PROM1: variants seen among roughly 807,000 people sequenced by gnomAD.
PROM1 encodes prominin 1.
PROM1 carries 105 observed loss-of-function variants against 116.9 expected under a neutral mutation model. That is an observed-to-expected ratio of 0.90 (90% CI 0.77 to 1.06). PROM1 has a LOEUF of 1.06. Ranked by LOEUF, PROM1 falls within the 50% of genes least tolerant of loss-of-function variation. The pLI is 0.00. For missense variants in PROM1, 1,122 were observed against 1,045.2 expected, an observed-to-expected ratio of 1.07 and a Z score of -1.01; for synonymous variants, 393 against 387.0, an observed-to-expected ratio of 1.02 and a Z score of -0.18.
intron 12 of PROM1, among the ~76,000 whole-genome samples, chr4:16,008,587 T>C (rs1311688469): frequency 6.6e-6 from 1 of 152,260 alleles, no homozygotes; most frequent in African/African-American, 2.4e-5. Context: ...GTTTGATAAT[T>C]ATAACTAGTA....
chr4:16,066,546 G>A (rs532260281), intron 2 of PROM1, among the ~76,000 whole-genome samples: 2 of 152,260 alleles, frequency 1.3e-5, no homozygotes, highest in East Asian at 1.9e-4. Flanking sequence ...CTGAGTTTGG[G>A]GCTCCTTTCT....
Position 15,985,773 on chromosome 4 carries a change from C to T in PROM1, c.2267G>A (p.Trp756Ter). ...IIGYFEHYLQ[W>*]IEFSISEKVA... ...TAAACTACTTACAGAGAACTCGATC[C>T]ACTGCAGATAATGTTCAAAATATCC... Residue 756 changes from tryptophan (W) to a stop codon, truncating the protein, a stop_gained, in exon 22 of 28, where the codon TGG becomes TAG. Transcript: ENST00000447510. LOFTEE classifies it high-confidence loss of function. 5 of 1,560,794 alleles carry T rather than the reference C, an allele frequency of 3.2e-6. No individual in the cohort carries two copies. Among genetic ancestry groups the T allele is most frequent in the Admixed American group, 1.7e-5 (1 of 57,606 alleles).
chr4:16,009,238 T>C (rs1174232043), intron 11 of PROM1, 130 bp from the exon 12 acceptor site: 1 of 735,622 alleles, frequency 1.4e-6, no homozygotes, highest in African/African-American at 1.8e-5. Context: ...TAAAATATGG[T>C]AAGATTCTTC....
chr4:16,083,005 C>T (rs1745327827), intron 1 of PROM1, among the ~76,000 whole-genome samples: 1 of 151,828 alleles, frequency 6.6e-6, no homozygotes. Flanking sequence ...GGCCGTGGAG[C>T]GAGAGGCTGG....
intron 10 of PROM1, among the ~76,000 whole-genome samples, chr4:16,015,253 T>C (rs945387759): frequency 7.4e-6 from 1 of 134,652 alleles, no homozygotes; most frequent in Non-Finnish European, 1.5e-5. Context: ...GGCTGAGGCA[T>C]GAGAATCGCT....
intron 9 of PROM1, among the ~76,000 whole-genome samples, chr4:16,017,766 C>A (rs1371546779): frequency 6.6e-6 from 1 of 152,094 alleles, no homozygotes; most frequent in Non-Finnish European, 1.5e-5. Flanking sequence ...AGGTTGCAGT[C>A]AGCTGAGATC....
At position 15,984,271 on chromosome 4, in the gene PROM1, C is replaced by G. The variant is rs532125484; in HGVS notation, c.2365G>C (p.Asp789His). The part of the protein sequence containing the change: ...VDVFLCSYII[D>H]PLNLFWFGIG... ...GAAAGATGAAATCTTACCAAGGGGT[C>G]GATAATGTAGCTACACAGAAAGACA... The change falls in exon 23 of 28, where the codon GAC (aspartate) becomes CAC (histidine). Residue 789 changes from aspartate to histidine, a missense_variant. Coordinates refer to ENST00000447510, the MANE Select transcript of PROM1 (RefSeq NM_006017.3). 1 of 1,597,370 alleles carries G rather than the reference C, an allele frequency of 6.3e-7. No individual in the cohort carries two copies. The highest frequency in any genetic ancestry group is 1.7e-5 in the Admixed American group (1 of 59,152).
At chr4:15,993,551 TAAGG>T (rs138907698) in intron 16 of PROM1, among the ~76,000 whole-genome samples, 2,808 of 152,318 alleles carry the variant, frequency 0.018, 83 homozygotes, top group African/African-American at 0.064. Flanking sequence ...TTGCGACTCA[TAAGG>T]AAGGAGAACG....
intron 1 of PROM1, chr4:16,083,348 C>A (rs898773754): frequency 6.6e-6 from 1 of 151,844 alleles, no homozygotes; most frequent in African/African-American, 2.4e-5. Context: ...CCCACCCCCG[C>A]CCCCATCCCC....
chr4:16,036,681 C>T (rs551415234), intron 3 of PROM1, among the ~76,000 whole-genome samples: 19 of 152,320 alleles, frequency 1.2e-4, no homozygotes, highest in African/African-American at 4.6e-4. Context: ...AATCTGTGTT[C>T]CCTGAGCCTC....
At chr4:15,989,996 T>C (rs1720583815) in intron 18 of PROM1, among the ~76,000 whole-genome samples, 172 bp from the exon 19 acceptor site, 1 of 152,042 alleles carries the variant, frequency 6.6e-6, no homozygotes, top group South Asian at 2.1e-4. Context: ...ACACCCTCCT[T>C]CAAAGCACAG....
intron 2 of PROM1, among the ~76,000 whole-genome samples, chr4:16,067,936 G>A (rs1741905440): frequency 6.6e-6 from 1 of 152,116 alleles, no homozygotes; most frequent in Non-Finnish European, 1.5e-5. Flanking sequence ...ATTGAGAATT[G>A]GGATAGAAAA....
intron 1 of PROM1, chr4:16,082,315 C>T (rs1745191629): frequency 6.6e-6 from 1 of 151,736 alleles, no homozygotes. Flanking sequence ...TGATTCAACC[C>T]AACATATCGC....
At chr4:15,993,595 C>T (rs1279844224) in intron 16 of PROM1, among the ~76,000 whole-genome samples, 2 of 152,210 alleles carry the variant, frequency 1.3e-5, no homozygotes, top group South Asian at 2.1e-4. Flanking sequence ...ACACTGAGTG[C>T]CCAATTTCAG....
chr4:15,971,717 TCACAA>T (rs1714600899), intron 26 of PROM1: 1 of 152,344 alleles, frequency 6.6e-6, no homozygotes, highest in Admixed American at 6.5e-5. Context: ...TTCAGGTGGA[TCACAA>T]CCCCTCTGAA....
intron 13 of PROM1, among the ~76,000 whole-genome samples, chr4:16,000,897 G>A (rs1380008470): frequency 6.6e-6 from 1 of 150,884 alleles, no homozygotes; most frequent in Non-Finnish European, 1.5e-5. Flanking sequence ...GGGGACCTGG[G>A]GAGGGACAGC....
At chr4:16,026,646 C>T (rs16892837) in intron 5 of PROM1, among the ~76,000 whole-genome samples, 8,525 of 152,204 alleles carry the variant, frequency 0.056, 269 homozygotes, top group African/African-American at 0.086. Flanking sequence ...TTTCTCCATC[C>T]TGGGTAAATG....
intron 2 of PROM1, among the ~76,000 whole-genome samples, chr4:16,041,017 G>C (rs1015533500): frequency 6.6e-6 from 1 of 152,248 alleles, no homozygotes; most frequent in Non-Finnish European, 1.5e-5. Flanking sequence ...GCACCTCAAA[G>C]GTAGATCCTC....
intron 2 of PROM1, among the ~76,000 whole-genome samples, chr4:16,042,283 T>C (rs72616196): frequency 0.071 from 10,771 of 152,258 alleles, 625 homozygotes; most frequent in East Asian, 0.32. Flanking sequence ...CTTTCTAACG[T>C]GATCAGTAAG....
Sources: gnomAD v4.1 joint callset for allele counts (sites outside exome capture counted in the v4.1 genomes callset) on GRCh38, gnomAD v4.1.1 for gene constraint, MANE v1.5 for transcripts, NCBI Gene and HGNC (gene_info 2026-07-23, HGNC 2026-07-21) for gene names.